RHBDF2: variants seen among roughly 807,000 people sequenced by gnomAD.
RHBDF2 encodes inactive rhomboid protein 2.
A neutral mutation model predicts 95.2 loss-of-function variants in RHBDF2; 38 were observed. That is an observed-to-expected ratio of 0.40 (90% CI 0.31 to 0.52). The LOEUF (loss-of-function observed/expected upper bound fraction) is 0.52, where lower values mean the gene tolerates loss of function less well. RHBDF2 is among the 20% of genes least tolerant of loss of function. The pLI, the probability that RHBDF2 is intolerant of heterozygous loss-of-function variation, is 0.56. For synonymous variants in RHBDF2, 442 were observed against 462.0 expected (o/e 0.96, Z 0.55); for missense variants, 863 against 1,137.7 (o/e 0.76, Z 3.47).
chr17:76,491,992 GCTCT>G (rs906686305), intron 1 of RHBDF2, among the ~76,000 whole-genome samples: 1 of 152,144 alleles, frequency 6.6e-6, no homozygotes, highest in Non-Finnish European at 1.5e-5. Flanking sequence ...CACATCCGCC[GCTCT>G]CTCTCTAAGA....
chr17:76,492,557 G>A (rs552454899), intron 1 of RHBDF2, among the ~76,000 whole-genome samples: 137 of 152,230 alleles, frequency 9.0e-4, no homozygotes, highest in African/African-American at 3.0e-3. Flanking sequence ...CCCGCCATGC[G>A]GACTGTACAA....
intron 6 of RHBDF2, 59 bp downstream of exon 6, chr17:76,478,747 G>A (rs1267371066): frequency 2.8e-6 from 4 of 1,423,638 alleles, no homozygotes; most frequent in East Asian, 2.3e-5. Flanking sequence ...GAGTGGAAGG[G>A]AGGGGCAAGG....
intron 3 of RHBDF2, 152 bp from the exon 4 acceptor site, chr17:76,480,006 AATGTG>A: frequency 1.7e-6 from 1 of 598,228 alleles, no homozygotes; most frequent in Non-Finnish European, 2.5e-6. Context: ...ATATATATAT[AATGTG>A]TGTGTGTGTG....
Position 76,479,220 on chromosome 17 carries a change from C to A in RHBDF2, c.330G>T (p.Trp110Cys). Residue 110 changes from tryptophan to cysteine, a missense_variant, in exon 5 of 19, where the codon TGG becomes TGT. Physicochemically the swap from Trp to Cys is radical, Grantham distance 215 (BLOSUM62 -2). Transcript: ENST00000675367. ...TGCAGTGGTGCAGGCTGCGGCGCTG[C>A]CACTGCTGCCGCTGCCCCTCCCAGT... The part of the protein sequence containing the change: ...SGDWEGQRQQ[W>C]QRRSLHHCSM... The A allele has an allele frequency of 6.2e-7, 1 of 1,609,000 alleles. No homozygotes were observed. The highest frequency in any genetic ancestry group is 1.1e-5 in the South Asian group (1 of 91,004).
At chr17:76,489,588 G>C (rs534214263) in intron 1 of RHBDF2, among the ~76,000 whole-genome samples, 5 of 152,206 alleles carry the variant, frequency 3.3e-5, no homozygotes, top group African/African-American at 1.2e-4. Flanking sequence ...CTCCCAAAGT[G>C]CTGGGATTAC....
chr17:76,482,214 C>T (rs2073992666), intron 2 of RHBDF2, among the ~76,000 whole-genome samples: 1 of 152,180 alleles, frequency 6.6e-6, no homozygotes, highest in East Asian at 1.9e-4. Context: ...AAGATGCAGG[C>T]CAGGGACGGT....
intron 2 of RHBDF2, among the ~76,000 whole-genome samples, chr17:76,486,077 TACACAC>T (rs57942849): frequency 0.36 from 51,498 of 144,580 alleles, 9,227 homozygotes; most frequent in Middle Eastern, 0.46. Flanking sequence ...TATATATATG[TACACAC>T]ACACACACAC....
chr17:76,498,674 C>A (rs2074490878), intron 1 of RHBDF2, among the ~76,000 whole-genome samples: 1 of 152,162 alleles, frequency 6.6e-6, no homozygotes, highest in South Asian at 2.1e-4. Flanking sequence ...AAAACAGCAC[C>A]ACTGACCCCA....
chr17:76,491,713 A>G (rs972404880), intron 1 of RHBDF2, among the ~76,000 whole-genome samples: 4 of 152,144 alleles, frequency 2.6e-5, no homozygotes, highest in African/African-American at 9.7e-5. Context: ...CACCATTGAG[A>G]TCAACTGCCT....
intron 18 of RHBDF2, 121 bp downstream of exon 18, chr17:76,472,565 C>G: frequency 7.7e-7 from 1 of 1,304,974 alleles, no homozygotes; most frequent in Non-Finnish European, 1.1e-6. Context: ...GCTGTCCCTC[C>G]GCTGTGGAGC....
At chr17:76,498,392 G>T (rs1333762297) in intron 1 of RHBDF2, among the ~76,000 whole-genome samples, 1 of 152,246 alleles carries the variant, frequency 6.6e-6, no homozygotes, top group Non-Finnish European at 1.5e-5. Context: ...GCTCCAGAGT[G>T]CGAGGCACAG....
intron 1 of RHBDF2, chr17:76,493,303 C>T (rs2074351810): frequency 6.6e-6 from 1 of 152,234 alleles, no homozygotes; most frequent in African/African-American, 2.4e-5. Flanking sequence ...CTGTGCAATC[C>T]CCAGCAAAAC....
chr17:76,483,122 T>C (rs2144241752), intron 2 of RHBDF2, among the ~76,000 whole-genome samples: 1 of 151,886 alleles, frequency 6.6e-6, no homozygotes, highest in East Asian at 2.0e-4. Context: ...TGAGCCAATC[T>C]CATTGCACCC....
At chr17:76,489,972 C>T (rs2074256008) in intron 1 of RHBDF2, among the ~76,000 whole-genome samples, 1 of 152,188 alleles carries the variant, frequency 6.6e-6, no homozygotes, top group South Asian at 2.1e-4. Context: ...TCTCAGGGAG[C>T]CAGAGAGGGA....
At position 76,479,243 on chromosome 17, in the gene RHBDF2, A is replaced by C. The variant is rs763556371; in HGVS notation, c.307T>G (p.Trp103Gly). ...TGCCACTGCTGCCGCTGCCCCTCCCAGTCGCCGCTGACTCCAAACCACTGG... is the reference window on the plus strand; with the variant it reads ...TGCCACTGCTGCCGCTGCCCCTCCCCGTCGCCGCTGACTCCAAACCACTGG... ...AAQWFGVSGD[W>G]EGQRQQWQRR... Residue 103 changes from tryptophan to glycine, a missense_variant, in exon 5 of 19, where the codon TGG becomes GGG. Trp to Gly is a radical substitution (Grantham distance 184). Coordinates refer to ENST00000675367, the MANE Select transcript of RHBDF2 (RefSeq NM_001005498.4). 1 of 1,606,972 alleles carries C rather than the reference A, an allele frequency of 6.2e-7. No homozygotes were observed. The highest frequency in any genetic ancestry group is 8.5e-7 in the Non-Finnish European group (1 of 1,179,248).
At chr17:76,491,014 C>T (rs369926087) in intron 1 of RHBDF2, among the ~76,000 whole-genome samples, 30 of 152,222 alleles carry the variant, frequency 2.0e-4, no homozygotes, top group East Asian at 5.8e-4. Context: ...GTGGGGCTGG[C>T]GGTGGTCAGC....
rs1758689167 is a variant in RHBDF2, at chr17:76,472,989, G to A, written c.1910+16C>T. The A allele has an allele frequency of 2.5e-6, 4 of 1,611,090 alleles. No individual in the cohort carries two copies. Among genetic ancestry groups the A allele is most frequent in the Non-Finnish European group, 3.4e-6 (4 of 1,177,314 alleles). ...ATCACAGGGGTCGGGTTCGGGGGCA[G>A]TGAGGAGCCTCTTACCCAGCATGTA... On this transcript the variant is annotated intron_variant, in intron 17 of 18. Coordinates refer to ENST00000675367, the MANE Select transcript of RHBDF2 (RefSeq NM_001005498.4).
Position 76,479,236 on chromosome 17 carries a change from C to T in RHBDF2, c.314G>A (p.Gly105Glu), listed in dbSNP as rs142642633. The stretch of plus-strand genomic sequence containing the variant: ...GCGGCGCTGCCACTGCTGCCGCTGC[C>T]CCTCCCAGTCGCCGCTGACTCCAAA... ...QWFGVSGDWEGQRQQWQRRSL... is the reference protein window; with the variant it reads ...QWFGVSGDWEEQRQQWQRRSL... The change falls in exon 5 of 19, where the codon GGG (glycine) becomes GAG (glutamate). Residue 105 changes from glycine (G) to glutamate (E), a missense_variant. By Grantham distance (98) the Gly-to-Glu change is moderately conservative (BLOSUM62 -2). Around this residue, in one of 2 missense-constraint regions of RHBDF2, gnomAD observed 611 missense variants for 725.5 expected, o/e 0.84. Coordinates refer to ENST00000675367, the MANE Select transcript of RHBDF2 (RefSeq NM_001005498.4). 5.9e-4 allele frequency: 945 copies of T among 1,608,142 alleles called. 15 individuals are homozygous for T. In the South Asian group the frequency reaches 7.0e-3, roughly 12 times the overall value.
At chr17:76,475,000 AC>A (rs1216208993) in intron 10 of RHBDF2, 29 bp downstream of exon 10, 2 of 1,526,144 alleles carry the variant, frequency 1.3e-6, no homozygotes, top group African/African-American at 1.4e-5. Context: ...AGAGGCTGGG[AC>A]CCCCAGCATG....
Sources: allele counts gnomAD v4.1 joint callset (sites outside exome capture counted in the v4.1 genomes callset), GRCh38; gene constraint gnomAD v4.1.1; regional missense constraint gnomAD v4.1.1; transcripts MANE v1.5; gene names NCBI Gene and HGNC (gene_info 2026-07-23, HGNC 2026-07-21).